Variants in OR51B5 observed in about 807,000 individuals in gnomAD.
The protein encoded by OR51B5 is olfactory receptor family 51 subfamily B member 5.
For synonymous variants in OR51B5, 186 were observed against 144.8 expected (o/e 1.28, Z -2.04); for missense variants, 456 against 374.6 (o/e 1.22, Z -1.79).
Position 5,343,042 on chromosome 11 carries a change from G to GT in OR51B5, c.482_483insA (p.Tyr162LeufsTer23). The GT allele has an allele frequency of 1.2e-6, 2 of 1,613,786 alleles. No homozygotes were observed. Among genetic ancestry groups the GT allele is most frequent in the Middle Eastern group, 3.3e-4 (2 of 6,058 alleles). On this transcript the variant is annotated frameshift_variant, in exon 1 of 1. Coordinates refer to ENST00000300773, the Ensembl canonical transcript of OR51B5. LOFTEE classifies it low-confidence loss of function (END_TRUNC). ...GGGAGTGACAATACAGAAAAAAATA[G>GT]AGGGGCCTGATTGGGGGAACAACGG...
At chr11:5,404,317 CTTTTCTGTCTAGCTA>C (rs987674446) in intron 1 of OR51B5, among the ~76,000 whole-genome samples, 3 of 152,094 alleles carry the variant, frequency 2.0e-5, no homozygotes, top group African/African-American at 7.2e-5. Flanking sequence ...ACTTGGAGAA[CTTTTCTGTCTAGCTA>C]AAGGGTTGTA....
downstream of OR51B5, chr11:5,340,677 G>A (rs1221186482): frequency 6.6e-6 from 1 of 152,086 alleles, no homozygotes; most frequent in Non-Finnish European, 1.5e-5. Context: ...AAGCCACTAA[G>A]GATAGTCTAC....
At chr11:5,489,083 A>G in intron 1 of OR51B5, 2 of 1,614,066 alleles carry the variant, frequency 1.2e-6, no homozygotes. Flanking sequence ...TTTGATAGGT[A>G]TGTGGCTATC....
chr11:5,394,599 T>C (rs994102036), intron 1 of OR51B5, among the ~76,000 whole-genome samples: 7 of 152,222 alleles, frequency 4.6e-5, no homozygotes, highest in East Asian at 1.9e-4. Flanking sequence ...GCTCATGTAA[T>C]TGAAGTTCAC....
intron 1 of OR51B5, among the ~76,000 whole-genome samples, chr11:5,460,122 T>C (rs1851025878): frequency 6.6e-6 from 1 of 152,172 alleles, no homozygotes; most frequent in East Asian, 1.9e-4. Flanking sequence ...TAAAGGCCAT[T>C]ATTCTTAGCA....
Position 5,422,132 on chromosome 11 carries a change from GAT to G in OR51B5, n.85-75224_85-75223del, listed in dbSNP as rs900784904. 4.1e-6 allele frequency: 5 copies of G among 1,209,172 alleles called. No homozygotes were observed. The African/African-American group carries it at 7.6e-5, about 18-fold the overall frequency. The allele number at this position is 1,209,172 out of a possible 1,614,324, so 74.9% of individuals were successfully genotyped here. On this transcript the variant is annotated intron_variant and non_coding_transcript_variant, in intron 1 of 4. Transcript: ENST00000415970. ...GAATTTGGATTAAATGGGGCAAAGA[GAT>G]ATTATTTCTAATGTTTCTTTTTCTC...
chr11:5,343,706 T>G, upstream of OR51B5: 1 of 504,770 alleles, frequency 2.0e-6, no homozygotes, highest in Non-Finnish European at 3.4e-6. Context: ...CTATTTGTAT[T>G]CTTAACTGCA....
At position 5,401,410 on chromosome 11, in the gene OR51B5, A is replaced by C. The variant is rs1589975850; in HGVS notation, n.85-54500T>G. On this transcript the variant is annotated intron_variant and non_coding_transcript_variant, in intron 1 of 4. Coordinates refer to the OR51B5 transcript ENST00000415970. ...CTGAATCTTCCATGCCTTTGCACAT[A>C]ATCTTTCTAGTTGACTCCTAGAATT... Among the ~76,000 whole-genome samples, 3 of 152,188 alleles carry C rather than the reference A, an allele frequency of 2.0e-5. No individual in the cohort carries two copies. The East Asian group carries it at 5.8e-4, about 29-fold the overall frequency.
chr11:5,373,585 G>A (rs1849475777), intron 1 of OR51B5, among the ~76,000 whole-genome samples: 1 of 152,156 alleles, frequency 6.6e-6, no homozygotes, highest in Non-Finnish European at 1.5e-5. Flanking sequence ...TCAAGGAAAG[G>A]GGTGACATAC....
Position 5,440,479 on chromosome 11 carries a change from G to A in OR51B5, n.84+65090C>T, listed in dbSNP as rs574749697. 11 of 797,132 alleles carry A rather than the reference G, an allele frequency of 1.4e-5. No individual in the cohort carries two copies. The African/African-American group carries it at 1.9e-4, about 14-fold the overall frequency. The allele number at this position is 797,132 out of a possible 1,614,324, so 49.4% of individuals were successfully genotyped here. A position where few individuals can be genotyped will look rare whatever the true frequency, so the allele number is the denominator to read the frequency against. On this transcript the variant is annotated intron_variant and non_coding_transcript_variant, in intron 1 of 4. Coordinates refer to the OR51B5 transcript ENST00000415970. The stretch of plus-strand genomic sequence containing the variant: ...ATACATTCACTACTATCAAGATCCT[G>A]GGTCCTCTTCATCCTTACTTTAGCA...
intron 1 of OR51B5, chr11:5,362,655 A>G (rs934025527): frequency 1.1e-4 from 21 of 196,742 alleles, no homozygotes; most frequent in Non-Finnish European, 2.1e-4. Flanking sequence ...AGCCCGGTCA[A>G]CCCAGCTGTC....
At chr11:5,464,712 G>C (rs1269054403) in intron 1 of OR51B5, among the ~76,000 whole-genome samples, 2 of 152,060 alleles carry the variant, frequency 1.3e-5, no homozygotes, top group African/African-American at 2.4e-5. Context: ...TTGGTTCCAA[G>C]TCTTTGCTAT....
At position 5,416,067 on chromosome 11, in the gene OR51B5, G is replaced by T. The variant is rs1450471301; in HGVS notation, n.85-69157C>A. 4.2e-4 allele frequency among the ~76,000 whole-genome samples: 62 copies of T among 148,890 alleles called. 3 individuals carry two copies. The South Asian group carries it at 0.013, about 32-fold the overall frequency. ...AACGAATCCAGCAGCACATCAAAAAGCTTATCCACCATGATCAAGTGGGCT... is the reference window on the plus strand; with the variant it reads ...AACGAATCCAGCAGCACATCAAAAATCTTATCCACCATGATCAAGTGGGCT... On this transcript the variant is annotated intron_variant and non_coding_transcript_variant, in intron 1 of 4. Transcript: ENST00000415970.
At chr11:5,433,665 A>C (rs539056937) in intron 1 of OR51B5, among the ~76,000 whole-genome samples, 6 of 152,146 alleles carry the variant, frequency 3.9e-5, no homozygotes, top group Non-Finnish European at 7.4e-5. Context: ...ATCTGTACTA[A>C]AAATTAAAAA....
At chr11:5,430,524 G>A (rs370077290) in intron 1 of OR51B5, 3 of 360,528 alleles carry the variant, frequency 8.3e-6, no homozygotes, top group South Asian at 6.2e-5. Flanking sequence ...TCAGATTCAA[G>A]CCTGTTGCAA....
intron 1 of OR51B5, among the ~76,000 whole-genome samples, chr11:5,432,863 G>C (rs955397197): frequency 6.6e-6 from 1 of 152,122 alleles, no homozygotes; most frequent in African/African-American, 2.4e-5. Context: ...GTAAACTGTG[G>C]TCTGATCTAG....
At chr11:5,431,814 T>A (rs1219486815) in intron 1 of OR51B5, among the ~76,000 whole-genome samples, 1 of 152,196 alleles carries the variant, frequency 6.6e-6, no homozygotes, top group Non-Finnish European at 1.5e-5. Context: ...AGTTCCAGAA[T>A]CCTAAATGTT....
At chr11:5,392,917 C>A (rs1256661486) in intron 1 of OR51B5, 3 of 151,226 alleles carry the variant, frequency 2.0e-5, no homozygotes, top group Non-Finnish European at 1.5e-5. Flanking sequence ...TTCTCAAAAA[C>A]AAAAAAAAAG....
intron 1 of OR51B5, among the ~76,000 whole-genome samples, chr11:5,417,579 A>G (rs1850262615): frequency 1.3e-5 from 2 of 148,950 alleles, no homozygotes; most frequent in Non-Finnish European, 3.0e-5. Context: ...ACAAATTTAC[A>G]AGAAAAAAAA....
Sources: allele counts gnomAD v4.1 joint callset (sites outside exome capture counted in the v4.1 genomes callset), GRCh38; gene constraint gnomAD v4.1.1; transcripts MANE v1.5; gene names NCBI Gene and HGNC (gene_info 2026-07-23, HGNC 2026-07-21).